TF: variants seen among roughly 807,000 people sequenced by gnomAD.
TF encodes transferrin.
In TF, 55 loss-of-function variants were observed where a neutral mutation model predicts 82.4. The observed-to-expected ratio is 0.67, with a 90% confidence interval of 0.54 to 0.84. The LOEUF (loss-of-function observed/expected upper bound fraction) is 0.84. Ranked by LOEUF, TF falls within the 40% of genes least tolerant of loss-of-function variation. The probability of loss-of-function intolerance (pLI) is 0.00; values close to 1 mark genes in which losing one functional copy is unlikely to be tolerated. For missense variants in TF, 737 were observed against 868.4 expected, an observed-to-expected ratio of 0.85 and a Z score of 1.90; for synonymous variants, 332 against 332.6, an observed-to-expected ratio of 1.00 and a Z score of 0.02.
At chr3:133,775,798 C>A (rs41272327) in intron 15 of TF, among the ~76,000 whole-genome samples, 181 bp downstream of exon 15, 2 of 152,204 alleles carry the variant, frequency 1.3e-5, no homozygotes, top group Non-Finnish European at 1.5e-5. Flanking sequence ...AATCACAGCT[C>A]CACAGCTTCC....
chr3:133,682,886 T>C, the TF span, among the ~76,000 whole-genome samples: 1 of 151,900 alleles, frequency 6.6e-6, no homozygotes, highest in Non-Finnish European at 1.5e-5. Context: ...AAGAAAAGCA[T>C]CTCCAAGACA....
At chr3:133,769,208 T>C (rs1483743421) in intron 13 of TF, among the ~76,000 whole-genome samples, 1 of 152,242 alleles carries the variant, frequency 6.6e-6, no homozygotes, top group Non-Finnish European at 1.5e-5. Flanking sequence ...CCCGTAATGA[T>C]GTAAAAAACA....
intron 2 of TF, among the ~76,000 whole-genome samples, chr3:133,753,182 A>G (rs1223367617): frequency 6.6e-6 from 1 of 152,238 alleles, no homozygotes; most frequent in Non-Finnish European, 1.5e-5. Flanking sequence ...TGGCCAGCCC[A>G]AGAGAGCTGT....
At chr3:133,679,163 A>T in the TF span, among the ~76,000 whole-genome samples, 1 of 151,924 alleles carries the variant, frequency 6.6e-6, no homozygotes, top group African/African-American at 2.4e-5. Flanking sequence ...GAGCCACCAC[A>T]CCCGGCCAGC....
At position 133,781,859 on chromosome 3, in the gene TF, A is replaced by T. The variant is rs1442994856; in HGVS notation, c.*3239A>T. ...CTGCATAGCAAAGACAACAAGCAACAAAATGAAATGGCAACCTATGGATTG... is the reference window on the plus strand; with the variant it reads ...CTGCATAGCAAAGACAACAAGCAACTAAATGAAATGGCAACCTATGGATTG... On this transcript the variant is annotated 3_prime_UTR_variant, in exon 17 of 17. Transcript: ENST00000402696. The T allele has an allele frequency of 6.6e-6, 1 of 152,238 alleles. No individual in the cohort carries two copies. Among genetic ancestry groups the T allele is most frequent in the Admixed American group, 6.5e-5 (1 of 15,282 alleles). The allele number at this position is 152,238 out of a possible 1,614,324, so 9.4% of individuals were successfully genotyped here.
At chr3:133,777,027 G>C in intron 15 of TF, 22 bp from the exon 16 acceptor site, 1 of 1,613,126 alleles carries the variant, frequency 6.2e-7, no homozygotes, top group Non-Finnish European at 8.5e-7. Context: ...AGGTCCTCAC[G>C]GACTTTCTGT....
the TF span, chr3:133,662,395 C>A: frequency 6.6e-6 from 1 of 152,216 alleles, no homozygotes; most frequent in African/African-American, 2.4e-5. Flanking sequence ...AATACTGCAT[C>A]CAGGTCTTCT....
chr3:133,759,299 G>T lies in TF; in HGVS notation c.1173G>T (p.Glu391Asp), dbSNP rs150667627. The T allele has an allele frequency of 6.2e-7, 1 of 1,613,636 alleles. No homozygotes were observed. Among genetic ancestry groups the T allele is most frequent in the South Asian group, 1.1e-5 (1 of 91,056 alleles). ...SVGKIECVSAETTEDCIAKIM... is the reference protein window; with the variant it reads ...SVGKIECVSADTTEDCIAKIM... Reference sequence around the variant, plus strand: ...GGAAAATAGAGTGTGTATCAGCAGAGACCACCGAAGACTGCATCGCCAAGA... The same window carrying T: ...GGAAAATAGAGTGTGTATCAGCAGATACCACCGAAGACTGCATCGCCAAGA... Residue 391 changes from glutamate to aspartate, a missense_variant, in exon 9 of 17, where the codon GAG becomes GAT. By Grantham distance (45) the Glu-to-Asp change is conservative. Coordinates refer to ENST00000402696, the MANE Select transcript of TF (RefSeq NM_001063.4).
At chr3:133,669,325 T>C in the TF span, among the ~76,000 whole-genome samples, 10 of 152,266 alleles carry the variant, frequency 6.6e-5, no homozygotes, top group East Asian at 1.9e-3. Flanking sequence ...CTTGCCTGTG[T>C]TTCTTTACTT....
chr3:133,693,700 G>T, the TF span, among the ~76,000 whole-genome samples: 5 of 152,154 alleles, frequency 3.3e-5, no homozygotes, highest in Admixed American at 2.0e-4. Flanking sequence ...AACTTTTCCA[G>T]AAGGCATATC....
Position 133,790,614 on chromosome 3 carries a change from G to A in TF, c.*11994G>A, listed in dbSNP as rs143647490. On this transcript the variant is annotated 3_prime_UTR_variant, in exon 17 of 17. Coordinates refer to ENST00000402696, the MANE Select transcript of TF (RefSeq NM_001063.4). ...TTTCATAGTGAAAGCTGTTAGTCTT[G>A]ATAAAAGTAAAATAAGCATTGTAAA... The A allele has an allele frequency of 1.1e-3, 174 of 152,316 alleles. 2 individuals are homozygous for A. The highest frequency in any genetic ancestry group is 4.0e-3 in the African/African-American group (165 of 41,572). The allele number at this position is 152,316 out of a possible 1,614,324, so 9.4% of individuals were successfully genotyped here.
chr3:133,750,485 G>C (rs1933629812), intron 2 of TF, among the ~76,000 whole-genome samples: 1 of 152,144 alleles, frequency 6.6e-6, no homozygotes. Context: ...GCTTCCCCTT[G>C]GCTTCCCTCC....
rs1934527030 is a variant in TF, at chr3:133,782,110, A to C, written c.*3490A>C. Reference sequence around the variant, plus strand: ...AACCATTATGAGACACTAGATAATAATAGGATGACTATTATCAAAAAGTCA... The same window carrying C: ...AACCATTATGAGACACTAGATAATACTAGGATGACTATTATCAAAAAGTCA... On this transcript the variant is annotated 3_prime_UTR_variant, in exon 17 of 17. Transcript: ENST00000402696. 1 of 152,230 alleles carries C rather than the reference A, an allele frequency of 6.6e-6. No homozygotes were observed. The highest frequency in any genetic ancestry group is 2.4e-5 in the African/African-American group (1 of 41,456). The allele number at this position is 152,230 out of a possible 1,614,324, so 9.4% of individuals were successfully genotyped here.
At chr3:133,736,245 A>G in the TF span, among the ~76,000 whole-genome samples, 1 of 152,342 alleles carries the variant, frequency 6.6e-6, no homozygotes, top group East Asian at 1.9e-4. Flanking sequence ...TTTACAGACA[A>G]GCAACTGCTG....
the TF span, among the ~76,000 whole-genome samples, chr3:133,662,585 T>G: frequency 6.6e-6 from 1 of 152,190 alleles, no homozygotes; most frequent in African/African-American, 2.4e-5. Flanking sequence ...CCGTTCTCTT[T>G]CTCTGCATCT....
At chr3:133,687,182 T>C in the TF span, among the ~76,000 whole-genome samples, 2 of 151,716 alleles carry the variant, frequency 1.3e-5, no homozygotes, top group Non-Finnish European at 2.9e-5. Context: ...ACATCACACA[T>C]TGAGGCCTGT....
intron 1 of TF, among the ~76,000 whole-genome samples, chr3:133,747,715 T>C (rs1238425412): frequency 6.6e-6 from 1 of 152,184 alleles, no homozygotes; most frequent in African/African-American, 2.4e-5. Flanking sequence ...GGGGAGACTG[T>C]TGAATTTGTG....
At chr3:133,688,325 GGA>G in the TF span, 1 of 152,518 alleles carries the variant, frequency 6.6e-6, no homozygotes, top group Non-Finnish European at 1.5e-5. Context: ...TCACCTGCGT[GGA>G]GAGAGCGTCT....
the TF span, among the ~76,000 whole-genome samples, chr3:133,737,530 G>A: frequency 1.3e-5 from 2 of 151,972 alleles, no homozygotes; most frequent in South Asian, 4.1e-4. Flanking sequence ...ATGAATCCAG[G>A]AGCTGGTTTT....
Sources: gnomAD v4.1 joint callset for allele counts (sites outside exome capture counted in the v4.1 genomes callset) on GRCh38, gnomAD v4.1.1 for gene constraint, MANE v1.5 for transcripts, NCBI Gene and HGNC (gene_info 2026-07-23, HGNC 2026-07-21) for gene names.